HIP1: variants seen among roughly 807,000 people sequenced by gnomAD.
HIP1 encodes the protein huntingtin interacting protein 1.
A neutral mutation model predicts 147.6 loss-of-function variants in HIP1; 65 were observed. That is an observed-to-expected ratio of 0.44 (90% CI 0.36 to 0.54). The LOEUF is 0.54. HIP1 is among the 20% of genes least tolerant of loss of function. HIP1 has a pLI of 0.00. For missense variants in HIP1, 1,061 were observed against 1,299.6 expected (o/e 0.82, Z 2.82); for synonymous variants, 479 against 504.0 (o/e 0.95, Z 0.67).
intron 1 of HIP1, among the ~76,000 whole-genome samples, chr7:75,664,934 T>C (rs569079759): frequency 6.6e-6 from 1 of 152,216 alleles, no homozygotes; most frequent in East Asian, 1.9e-4. Context: ...ATACTTTCCA[T>C]TTCAACAGAG....
At chr7:75,609,450 T>C (rs147472633) in intron 1 of HIP1, among the ~76,000 whole-genome samples, 3,399 of 152,236 alleles carry the variant, frequency 0.022, 59 homozygotes, top group Non-Finnish European at 0.036. Context: ...ACTGTGTACC[T>C]GGGATACCAC....
intron 1 of HIP1, among the ~76,000 whole-genome samples, chr7:75,602,248 G>T (rs1173646325): frequency 8.2e-4 from 118 of 143,502 alleles, no homozygotes; most frequent in African/African-American, 2.8e-3. Flanking sequence ...TGATCCACCC[G>T]CCTCGGCCTC....
chr7:75,725,080 C>T (rs1393085715), intron 1 of HIP1, among the ~76,000 whole-genome samples: 6 of 152,076 alleles, frequency 3.9e-5, no homozygotes, highest in African/African-American at 7.2e-5. Context: ...GGCTGGAGTA[C>T]GGTGGTGCCA....
chr7:75,536,072 A>G lies in HIP1; in HGVS notation c.*2100T>C, dbSNP rs1001709018. On this transcript the variant is annotated 3_prime_UTR_variant, in exon 31 of 31. Transcript: ENST00000336926. ...TGGCTGAGATCTAGAAGTGAGGACTAGCCACTTTTGGAAATGTTGACCCGC... is the reference window on the plus strand; with the variant it reads ...TGGCTGAGATCTAGAAGTGAGGACTGGCCACTTTTGGAAATGTTGACCCGC... 1.6e-5 allele frequency: 3 copies of G among 185,742 alleles called. No individual in the cohort carries two copies. The highest frequency in any genetic ancestry group is 7.0e-5 in the African/African-American group (3 of 42,660). The allele number at this position is 185,742 out of a possible 1,614,324, so 11.5% of individuals were successfully genotyped here.
At chr7:75,596,235 C>CAA (rs10658504) in intron 2 of HIP1, among the ~76,000 whole-genome samples, 18,430 of 59,388 alleles carry the variant, frequency 0.31, 2,691 homozygotes, top group African/African-American at 0.39. Flanking sequence ...GACCCTGCCT[C>CAA]AAAAAAAAAA....
intron 1 of HIP1, among the ~76,000 whole-genome samples, chr7:75,616,161 TCGTC>T (rs1797654955): frequency 6.7e-6 from 1 of 148,698 alleles, no homozygotes; most frequent in Admixed American, 6.7e-5. Context: ...TCTCGTAACA[TCGTC>T]CTAGACAAGA....
chr7:75,640,064 G>C (rs1486256171), intron 1 of HIP1, among the ~76,000 whole-genome samples: 2 of 152,198 alleles, frequency 1.3e-5, no homozygotes, highest in Non-Finnish European at 2.9e-5. Context: ...CGAAATGCAA[G>C]GCAGACATTC....
Position 75,559,899 on chromosome 7 carries a change from A to T in HIP1, c.1208T>A (p.Leu403Gln). The change falls in exon 14 of 31, where the codon CTG becomes CAG. Residue 403 changes from leucine to glutamine, a missense_variant. Transcript: ENST00000336926. ...NMKTESQRVVLQLKGHVSELE... is the reference protein window; with the variant it reads ...NMKTESQRVVQQLKGHVSELE... ...CTCGCTGACGTGGCCCTTCAGCTGC[A>T]GCACAACCCGCTGGCTCTGTGGGGG... 1.9e-6 allele frequency: 3 copies of T among 1,606,358 alleles called. No homozygotes were observed. Among genetic ancestry groups the T allele is most frequent in the Non-Finnish European group, 2.5e-6 (3 of 1,177,710 alleles).
At chr7:75,682,146 A>T (rs2117273308) in intron 1 of HIP1, among the ~76,000 whole-genome samples, 1 of 147,940 alleles carries the variant, frequency 6.8e-6, no homozygotes, top group African/African-American at 2.5e-5. Context: ...TTTAGTACAG[A>T]TGGGGTTTCA....
intron 1 of HIP1, among the ~76,000 whole-genome samples, chr7:75,642,910 C>T (rs1475177914): frequency 1.3e-5 from 2 of 152,204 alleles, no homozygotes; most frequent in Non-Finnish European, 2.9e-5. Flanking sequence ...CTGGTCTTTG[C>T]ATCTTGAGTG....
At chr7:75,651,351 C>T (rs868935983) in intron 1 of HIP1, among the ~76,000 whole-genome samples, 19 of 148,456 alleles carry the variant, frequency 1.3e-4, no homozygotes, top group African/African-American at 4.7e-4. Context: ...CCCAGCTACT[C>T]GGGAGGCTGA....
chr7:75,551,189 A>ATTTTT (rs55679922), intron 22 of HIP1, among the ~76,000 whole-genome samples: 3,415 of 77,292 alleles, frequency 0.044, 747 homozygotes, highest in Non-Finnish European at 0.053. Flanking sequence ...GTAGATGATA[A>ATTTTT]TTTTTTTTTT....
At chr7:75,649,942 C>T (rs1798918837) in intron 1 of HIP1, among the ~76,000 whole-genome samples, 1 of 152,122 alleles carries the variant, frequency 6.6e-6, no homozygotes, top group Non-Finnish European at 1.5e-5. Context: ...CCATATTAAA[C>T]ACAGGTGTCC....
chr7:75,619,832 C>T (rs1253527058), intron 1 of HIP1, among the ~76,000 whole-genome samples: 5 of 152,056 alleles, frequency 3.3e-5, no homozygotes, highest in African/African-American at 7.2e-5. Context: ...AGAAAAATAG[C>T]TCTCCTCCCA....
At chr7:75,633,429 A>C (rs1306963696) in intron 1 of HIP1, among the ~76,000 whole-genome samples, 10 of 152,046 alleles carry the variant, frequency 6.6e-5, no homozygotes, top group Non-Finnish European at 1.2e-4. Context: ...AGCAGCTGGG[A>C]TTACAGGCGT....
At chr7:75,553,085 G>A (rs371153443) in intron 22 of HIP1, among the ~76,000 whole-genome samples, 1 of 152,022 alleles carries the variant, frequency 6.6e-6, no homozygotes, top group Admixed American at 6.6e-5. Flanking sequence ...TTATAGGCAT[G>A]CACCACTATG....
At chr7:75,672,624 G>A (rs184750813) in intron 1 of HIP1, among the ~76,000 whole-genome samples, 2 of 152,158 alleles carry the variant, frequency 1.3e-5, no homozygotes, top group African/African-American at 4.8e-5. Flanking sequence ...TACCATACTT[G>A]GTCCTTCTTA....
chr7:75,677,729 G>A (rs781894090), intron 1 of HIP1, among the ~76,000 whole-genome samples: 1 of 151,352 alleles, frequency 6.6e-6, no homozygotes, highest in Non-Finnish European at 1.5e-5. Flanking sequence ...TATCCCTCTC[G>A]GCCCCACTCA....
chr7:75,688,379 G>A (rs782360989), intron 1 of HIP1, among the ~76,000 whole-genome samples: 2 of 151,968 alleles, frequency 1.3e-5, no homozygotes, highest in Non-Finnish European at 2.9e-5. Flanking sequence ...GGCCGGGGGC[G>A]CGCCGGGTCC....
Sources: allele counts gnomAD v4.1 joint callset (sites outside exome capture counted in the v4.1 genomes callset), GRCh38; gene constraint gnomAD v4.1.1; transcripts MANE v1.5; gene names NCBI Gene and HGNC (gene_info 2026-07-23, HGNC 2026-07-21).